The following CNTNAP4 variants were observed in gnomAD, a reference collection of about 807,000 sequenced individuals.
CNTNAP4 encodes the protein contactin associated protein family member 4, also known as contactin-associated protein-like 4.
A neutral mutation model predicts 148.4 loss-of-function variants in CNTNAP4; 98 were observed. The observed-to-expected ratio is 0.66, with a 90% CI of 0.56 to 0.78. The LOEUF is 0.78. Among genes scored for constraint, CNTNAP4 ranks in the 30% least tolerant of loss-of-function variants. The pLI, the probability that CNTNAP4 is intolerant of heterozygous loss-of-function variation, is 0.00. For synonymous variants in CNTNAP4, 730 were observed against 565.1 expected (o/e 1.29, Z -4.14); for missense variants, 1,935 against 1,565.6 (o/e 1.24, Z -3.98).
chr16:76,476,016 C>T lies in CNTNAP4; in HGVS notation c.1733C>T (p.Thr578Ile). The stretch of plus-strand genomic sequence containing the variant: ...ACCTTTCATTGTAACTGTACCAACA[C>T]TGGTTACAGAGGAGCTACTTGCCAT... Reference protein sequence around the residue: ...WSTFHCNCTNTGYRGATCHNS... With the variant: ...WSTFHCNCTNIGYRGATCHNS... The change falls in exon 11 of 24, where the codon ACT (threonine) becomes ATT (isoleucine). Residue 578 changes from threonine (T) to isoleucine (I), a missense_variant. Coordinates refer to ENST00000611870, the MANE Select transcript of CNTNAP4 (RefSeq NM_033401.5). The T allele has an allele frequency of 6.2e-7, 1 of 1,613,196 alleles. No individual in the cohort carries two copies. Among genetic ancestry groups the T allele is most frequent in the Non-Finnish European group, 8.5e-7 (1 of 1,179,168 alleles).
intron 2 of CNTNAP4, among the ~76,000 whole-genome samples, chr16:76,329,983 G>C (rs547051182): frequency 8.5e-5 from 13 of 152,156 alleles, no homozygotes; most frequent in African/African-American, 2.7e-4. Context: ...CCAGAGCCTC[G>C]GGAGAAGTGC....
chr16:76,482,924 GGC>G (rs1323807627), intron 12 of CNTNAP4, among the ~76,000 whole-genome samples: 1 of 152,114 alleles, frequency 6.6e-6, no homozygotes, highest in Non-Finnish European at 1.5e-5. Flanking sequence ...AGTATGCACT[GGC>G]AACTCTGGTA....
chr16:76,460,010 A>G (rs891351115), intron 8 of CNTNAP4, among the ~76,000 whole-genome samples: 1 of 152,234 alleles, frequency 6.6e-6, no homozygotes, highest in Non-Finnish European at 1.5e-5. Flanking sequence ...GTCTACATAT[A>G]TATAAACTTG....
chr16:76,373,616 G>A (rs375575709), intron 3 of CNTNAP4, among the ~76,000 whole-genome samples: 15 of 152,090 alleles, frequency 9.9e-5, no homozygotes, highest in African/African-American at 3.1e-4. Flanking sequence ...CTGGACAGGC[G>A]CAGTGGCTCA....
chr16:76,540,781 A>C lies in CNTNAP4; in HGVS notation c.3433A>C (p.Arg1145=). 1 of 1,563,724 alleles carries C rather than the reference A, an allele frequency of 6.4e-7. No homozygotes were observed. Residue 1145 remains arginine (R), a synonymous_variant, in exon 21 of 24, where the codon AGG becomes CGG. Coordinates refer to ENST00000611870, the MANE Select transcript of CNTNAP4 (RefSeq NM_033401.5). ...FSAVKSLVLG[R]ILEHSDVDQD... ...TGCAGTCAAATCTCTGGTATTGGGC[A>C]GGATTTTAGGTAAGTGAAAGAAACA...
chr16:76,339,367 T>C (rs907022617), intron 2 of CNTNAP4, among the ~76,000 whole-genome samples: 63 of 152,180 alleles, frequency 4.1e-4, no homozygotes, highest in African/African-American at 1.5e-3. Flanking sequence ...ACATAGTGTT[T>C]AGATTGTTGA....
At chr16:76,479,233 A>G (rs1345361960) in intron 11 of CNTNAP4, among the ~76,000 whole-genome samples, 186 bp from the exon 12 acceptor site, 1 of 152,088 alleles carries the variant, frequency 6.6e-6, no homozygotes, top group Non-Finnish European at 1.5e-5. Context: ...TTTTTTTGCT[A>G]TCAAATCACT....
At chr16:76,413,515 A>G (rs1257781335) in intron 3 of CNTNAP4, among the ~76,000 whole-genome samples, 1 of 151,090 alleles carries the variant, frequency 6.6e-6, no homozygotes, top group African/African-American at 2.4e-5. Context: ...GAACCTGCCA[A>G]TAAGACATTC....
At chr16:76,415,940 T>TAG in intron 3 of CNTNAP4, among the ~76,000 whole-genome samples, 1 of 150,558 alleles carries the variant, frequency 6.6e-6, no homozygotes, top group Non-Finnish European at 1.5e-5. Context: ...GTTTTTTTTT[T>TAG]TTAACTCTGT....
At chr16:76,554,084 A>G (rs2085087459) in intron 23 of CNTNAP4, among the ~76,000 whole-genome samples, 177 bp downstream of exon 23, 1 of 152,210 alleles carries the variant, frequency 6.6e-6, no homozygotes, top group Admixed American at 6.5e-5. Flanking sequence ...ATCTTTCTGA[A>G]TTCTCTGCTT....
intron 2 of CNTNAP4, among the ~76,000 whole-genome samples, chr16:76,334,346 G>T (rs1355526150): frequency 6.6e-6 from 1 of 152,012 alleles, no homozygotes; most frequent in African/African-American, 2.4e-5. Context: ...AGTTTTTGCA[G>T]ATTGGGTCTG....
At chr16:76,520,456 C>T (rs1349570546) in intron 15 of CNTNAP4, among the ~76,000 whole-genome samples, 2 of 152,122 alleles carry the variant, frequency 1.3e-5, no homozygotes, top group Non-Finnish European at 2.9e-5. Context: ...ATTTTCTGCC[C>T]ATTTTGAACA....
intron 3 of CNTNAP4, among the ~76,000 whole-genome samples, chr16:76,371,216 G>C (rs545196230): frequency 6.6e-6 from 1 of 152,154 alleles, no homozygotes; most frequent in Non-Finnish European, 1.5e-5. Flanking sequence ...TCTTACACAT[G>C]AGCTCCAGAG....
intron 9 of CNTNAP4, among the ~76,000 whole-genome samples, chr16:76,465,404 A>C (rs927463980): frequency 1.3e-5 from 2 of 152,144 alleles, no homozygotes; most frequent in African/African-American, 4.8e-5. Context: ...TAGGAATATG[A>C]ATTGCCTCAT....
At chr16:76,348,334 C>G (rs575607833) in intron 2 of CNTNAP4, among the ~76,000 whole-genome samples, 1 of 151,964 alleles carries the variant, frequency 6.6e-6, no homozygotes, top group South Asian at 2.1e-4. Flanking sequence ...ATAGAATTCT[C>G]CAGTCTTGGG....
At chr16:76,481,427 C>T (rs1201733588) in intron 12 of CNTNAP4, among the ~76,000 whole-genome samples, 1 of 152,142 alleles carries the variant, frequency 6.6e-6, no homozygotes, top group Non-Finnish European at 1.5e-5. Context: ...CACCTGTAAT[C>T]CCAGCACTTT....
At position 76,461,990 on chromosome 16, in the gene CNTNAP4, C is replaced by A; in HGVS notation, c.1368C>A (p.Val456=). The A allele has an allele frequency of 6.2e-7, 1 of 1,613,854 alleles. No individual in the cohort carries two copies. Among genetic ancestry groups the A allele is most frequent in the South Asian group, 1.1e-5 (1 of 91,064 alleles). Reference sequence around the variant, plus strand: ...TAAATGATGGGCAGTGGCATTCTGTCTCTTTATCTGCTAAAAAGAATCACT... The same window carrying A: ...TAAATGATGGGCAGTGGCATTCTGTATCTTTATCTGCTAAAAAGAATCACT... The part of the protein sequence containing the change: ...VELNDGQWHS[V]SLSAKKNHLS... The change falls in exon 9 of 24, where the codon GTC becomes GTA. Residue 456 remains valine (V), a synonymous_variant. Coordinates refer to ENST00000611870, the MANE Select transcript of CNTNAP4 (RefSeq NM_033401.5).
At chr16:76,489,333 T>C (rs1054662928) in intron 12 of CNTNAP4, among the ~76,000 whole-genome samples, 2 of 152,120 alleles carry the variant, frequency 1.3e-5, no homozygotes, top group Non-Finnish European at 2.9e-5. Context: ...AATAAAATAA[T>C]GATGCATCTT....
At chr16:76,466,656 A>G (rs1284561123) in intron 9 of CNTNAP4, among the ~76,000 whole-genome samples, 1 of 152,058 alleles carries the variant, frequency 6.6e-6, no homozygotes, top group Non-Finnish European at 1.5e-5. Context: ...AATGGTTAAT[A>G]TTATATTTAT....
Sources: allele counts gnomAD v4.1 joint callset (sites outside exome capture counted in the v4.1 genomes callset), GRCh38; gene constraint gnomAD v4.1.1; transcripts MANE v1.5; gene names NCBI Gene and HGNC (gene_info 2026-07-23, HGNC 2026-07-21).